Variants in PLCB1 observed in about 807,000 individuals in gnomAD.
PLCB1 encodes 1-phosphatidylinositol 4,5-bisphosphate phosphodiesterase beta-1.
In PLCB1, 46 loss-of-function variants were observed where a neutral mutation model predicts 161.8. The observed-to-expected ratio is 0.28, with a 90% CI of 0.22 to 0.36. PLCB1 has a LOEUF of 0.36. Among genes scored for constraint, PLCB1 ranks in the 10% least tolerant of loss-of-function variants. The pLI is 1.00. For missense variants in PLCB1, 1,016 were observed against 1,472.5 expected, an observed-to-expected ratio of 0.69 and a Z score of 5.07; for synonymous variants, 517 against 503.7, an observed-to-expected ratio of 1.03 and a Z score of -0.35.
At chr20:8,583,936 T>C (rs898320935) in intron 3 of PLCB1, among the ~76,000 whole-genome samples, 1 of 152,136 alleles carries the variant, frequency 6.6e-6, no homozygotes, top group African/African-American at 2.4e-5. Flanking sequence ...CCGTCAGCAC[T>C]CTGAGTCACT....
intron 3 of PLCB1, among the ~76,000 whole-genome samples, chr20:8,552,814 A>ATT (rs1300095519): frequency 6.6e-6 from 1 of 152,048 alleles, no homozygotes; most frequent in South Asian, 2.1e-4. Flanking sequence ...GACATCAGAC[A>ATT]TTTACTGCCT....
At chr20:8,779,639 G>A (rs961534299) in intron 27 of PLCB1, among the ~76,000 whole-genome samples, 28 of 151,848 alleles carry the variant, frequency 1.8e-4, no homozygotes, top group Non-Finnish European at 3.4e-4. Flanking sequence ...TAGACATGCA[G>A]AGTCTCAGGC....
intron 3 of PLCB1, among the ~76,000 whole-genome samples, chr20:8,382,851 G>A (rs896105041): frequency 6.6e-6 from 1 of 152,126 alleles, no homozygotes; most frequent in South Asian, 2.1e-4. Context: ...CTGGCCTTGA[G>A]TGAGTTTCTT....
At chr20:8,369,438 A>G (rs1451229671) in intron 2 of PLCB1, among the ~76,000 whole-genome samples, 1 of 152,192 alleles carries the variant, frequency 6.6e-6, no homozygotes, top group Non-Finnish European at 1.5e-5. Flanking sequence ...TGCTGTAGAG[A>G]TGAAGAAACC....
At chr20:8,328,691 G>A (rs1205939590) in intron 2 of PLCB1, among the ~76,000 whole-genome samples, 2 of 151,898 alleles carry the variant, frequency 1.3e-5, no homozygotes, top group Admixed American at 6.6e-5. Context: ...TGCAACTTTG[G>A]GTATATGAAA....
At chr20:8,531,510 G>A (rs911791323) in intron 3 of PLCB1, among the ~76,000 whole-genome samples, 1 of 151,980 alleles carries the variant, frequency 6.6e-6, no homozygotes, top group Non-Finnish European at 1.5e-5. Context: ...CATTCCTTGT[G>A]CCTAAAACAC....
chr20:8,450,817 T>G (rs1274042655), intron 3 of PLCB1, among the ~76,000 whole-genome samples: 1 of 152,194 alleles, frequency 6.6e-6, no homozygotes, highest in Non-Finnish European at 1.5e-5. Context: ...GAAGCTAATG[T>G]TACCCTGGAC....
chr20:8,742,388 G>A (rs964845889), intron 23 of PLCB1, among the ~76,000 whole-genome samples: 1 of 152,098 alleles, frequency 6.6e-6, no homozygotes, highest in Non-Finnish European at 1.5e-5. Flanking sequence ...ATAACTAATA[G>A]TTATCCATTA....
chr20:8,569,394 G>T (rs1302610823), intron 3 of PLCB1, among the ~76,000 whole-genome samples: 1 of 152,094 alleles, frequency 6.6e-6, no homozygotes, highest in Non-Finnish European at 1.5e-5. Context: ...CCAAATTGAG[G>T]GGTATTTAAT....
At chr20:8,367,445 C>T (rs924134691) in intron 2 of PLCB1, among the ~76,000 whole-genome samples, 14 of 152,142 alleles carry the variant, frequency 9.2e-5, no homozygotes, top group African/African-American at 3.1e-4. Context: ...TTTTACTAAG[C>T]TTTTCAGGTG....
At chr20:8,592,347 C>T (rs1392438460) in intron 3 of PLCB1, among the ~76,000 whole-genome samples, 1 of 152,214 alleles carries the variant, frequency 6.6e-6, no homozygotes, top group Admixed American at 6.5e-5. Context: ...TATTTTATCA[C>T]TATTACCCAT....
At chr20:8,284,575 AAAAAG>A (rs1221721259) in intron 2 of PLCB1, among the ~76,000 whole-genome samples, 2 of 152,196 alleles carry the variant, frequency 1.3e-5, no homozygotes, top group Admixed American at 6.5e-5. Flanking sequence ...CTGTCTCTGC[AAAAAG>A]AAAAGAAAAG....
chr20:8,268,824 A>G (rs1385440696), intron 2 of PLCB1, among the ~76,000 whole-genome samples: 1 of 147,800 alleles, frequency 6.8e-6, no homozygotes, highest in East Asian at 2.0e-4. Flanking sequence ...GTTTTTTGTC[A>G]TTTTCTCTAT....
At chr20:8,334,107 G>A (rs1197163104) in intron 2 of PLCB1, among the ~76,000 whole-genome samples, 1 of 152,170 alleles carries the variant, frequency 6.6e-6, no homozygotes, top group African/African-American at 2.4e-5. Context: ...TACTTGGGAG[G>A]CTGAGGCAGG....
At chr20:8,400,126 G>A (rs142037100) in intron 3 of PLCB1, among the ~76,000 whole-genome samples, 17 of 152,254 alleles carry the variant, frequency 1.1e-4, no homozygotes, top group African/African-American at 4.1e-4. Context: ...TGCTTGTGGT[G>A]GCATAGGGAA....
chr20:8,646,691 G>A lies in PLCB1; in HGVS notation c.464+510G>A, dbSNP rs533033590. On this transcript the variant is annotated intron_variant, in intron 5 of 31. Transcript: ENST00000338037. The stretch of plus-strand genomic sequence containing the variant: ...GCAAGTATTAGTAAGAAAAGAGAAA[G>A]GATCTAAAGGAAAGAGAAGAAGGAA... Among the ~76,000 whole-genome samples the A allele has an allele frequency of 7.2e-5, 11 of 152,170 alleles. No homozygotes were observed. The South Asian group carries it at 2.1e-3, about 29-fold the overall frequency.
chr20:8,253,780 C>G (rs1229780239), intron 2 of PLCB1, among the ~76,000 whole-genome samples: 4 of 151,904 alleles, frequency 2.6e-5, no homozygotes, highest in Non-Finnish European at 5.9e-5. Context: ...CCTCCCTCCC[C>G]ACTCTAGTAT....
chr20:8,360,174 C>T (rs1015622628), intron 2 of PLCB1, among the ~76,000 whole-genome samples: 15 of 152,222 alleles, frequency 9.9e-5, no homozygotes, highest in African/African-American at 3.4e-4. Context: ...ATCTGTCAGA[C>T]ATGAACTATC....
intron 7 of PLCB1, among the ~76,000 whole-genome samples, chr20:8,655,271 G>A (rs6140668): frequency 2.0e-5 from 3 of 152,050 alleles, no homozygotes; most frequent in Non-Finnish European, 2.9e-5. Flanking sequence ...CAGCACATGC[G>A]TGCTCGCTAT....
Sources: allele counts gnomAD v4.1 joint callset (sites outside exome capture counted in the v4.1 genomes callset), GRCh38; gene constraint gnomAD v4.1.1; transcripts MANE v1.5; gene names NCBI Gene and HGNC (gene_info 2026-07-23, HGNC 2026-07-21).